Variants in REXO1 observed in about 807,000 individuals in gnomAD.
The protein encoded by REXO1 is RNA exonuclease 1 homolog.
Under a neutral mutation model 102.6 loss-of-function variants are expected in REXO1, and 42 were observed. The observed-to-expected ratio is 0.41, with a 90% CI of 0.32 to 0.53. The LOEUF (loss-of-function observed/expected upper bound fraction) is 0.53, where lower values mean the gene tolerates loss of function less well. Ranked by LOEUF, REXO1 falls within the 20% of genes least tolerant of loss-of-function variation. The probability of loss-of-function intolerance (pLI) is 0.27; values close to 1 mark genes in which losing one functional copy is unlikely to be tolerated. For missense variants in REXO1, 1,819 were observed against 1,732.5 expected (o/e 1.05, Z -0.89); for synonymous variants, 908 against 779.1 (o/e 1.17, Z -2.76).
intron 1 of REXO1, among the ~76,000 whole-genome samples, chr19:1,839,529 G>A (rs2011201166): frequency 6.6e-6 from 1 of 152,246 alleles, no homozygotes; most frequent in Non-Finnish European, 1.5e-5. Context: ...CACACACCAG[G>A]GTGACTGCAA....
rs1599139163 is a variant in REXO1 at position 1,825,717 on chromosome 19, C to G, written c.2016+122G>C. On this transcript the variant is annotated intron_variant, in intron 3 of 15. Coordinates refer to ENST00000170168, the MANE Select transcript of REXO1 (RefSeq NM_020695.4). ...TCTCGAACTCCTGGCCTCAGGTGAT[C>G]CACCCGCCTTGGCCTCCCAAAGTGC... 1.1e-5 allele frequency: 7 copies of G among 662,322 alleles called. No individual in the cohort carries two copies. In the South Asian group the frequency reaches 1.1e-4, roughly 10 times the overall value. 41.0% of individuals were successfully genotyped at this position (662,322 alleles called of 1,614,324 possible).
In REXO1 at chr19:1,827,572, C is replaced by A; in HGVS notation, c.1217G>T (p.Arg406Leu). The A allele has an allele frequency of 6.3e-7, 1 of 1,594,616 alleles. No individual in the cohort carries two copies. The highest frequency in any genetic ancestry group is 8.5e-7 in the Non-Finnish European group (1 of 1,176,468). The change falls in exon 2 of 16, where the codon CGG becomes CTG. Residue 406 changes from arginine to leucine, a missense_variant. Arg to Leu is a moderately radical substitution (Grantham distance 102). Coordinates refer to ENST00000170168, the MANE Select transcript of REXO1 (RefSeq NM_020695.4). ...GTCCGCACGGGGCTTCTCCACAGGC[C>A]GCCCTCGGCCCTTGTCCTTGGTCTT... Reference protein sequence around the residue: ...KDKTKDKGRGRPVEKPRADKK... With the variant: ...KDKTKDKGRGLPVEKPRADKK...
rs556193102 is a variant in REXO1 at position 1,819,286 on chromosome 19, C to T, written c.2651-155G>A. 2.4e-3 allele frequency among the ~76,000 whole-genome samples: 371 copies of T among 151,692 alleles called. 2 individuals are homozygous for T. The highest frequency in any genetic ancestry group is 7.3e-3 in the African/African-American group (304 of 41,426). On this transcript the variant is annotated intron_variant, in intron 7 of 15. Coordinates refer to ENST00000170168, the MANE Select transcript of REXO1 (RefSeq NM_020695.4). ...ACTGACCCCGGGTTCCAGCCTGACC[C>T]GAACAGGAGAGGCAGACATGCGGTG... is the stretch of plus-strand genomic sequence containing the variant.
Position 1,828,615 on chromosome 19 carries a change from G to A in REXO1, c.174C>T (p.Pro58=). 6.2e-7 allele frequency: 1 copy of A among 1,600,726 alleles called. No individual in the cohort carries two copies. The highest frequency in any genetic ancestry group is 8.5e-7 in the Non-Finnish European group (1 of 1,179,404). The change falls in exon 2 of 16, where the codon CCC becomes CCT. Residue 58 remains proline, a synonymous_variant. Transcript: ENST00000170168. ...APPAAGLGYD[P]YNPELPKPPA... Reference sequence around the variant, plus strand: ...GGGGCTTGGGCAGCTCAGGGTTGTAGGGGTCGTAACCCAGCCCTGAAGGGA... The same window carrying A: ...GGGGCTTGGGCAGCTCAGGGTTGTAAGGGTCGTAACCCAGCCCTGAAGGGA...
rs754370433 is a variant in REXO1, at chr19:1,819,036, G to A, written c.2746C>T (p.Arg916Trp). Residue 916 changes from arginine to tryptophan, a missense_variant, in exon 8 of 16, where the codon CGG becomes TGG. Physicochemically the swap from Arg to Trp is moderately radical, Grantham distance 101. Transcript: ENST00000170168. ...GCCTTACCTTTCAGGTCCTCCACCC[G>A]GGGGCTGCTTGGACGGCTGAGCGAG... ...SFSLSRPSSP[R>W]VEDLKGAALY... The A allele has an allele frequency of 1.3e-5, 21 of 1,598,786 alleles. No homozygotes were observed. Among genetic ancestry groups the A allele is most frequent in the Admixed American group, 1.0e-4 (6 of 58,148 alleles).
At position 1,827,709 on chromosome 19, in the gene REXO1, G is replaced by A. The variant is rs947984498; in HGVS notation, c.1080C>T (p.Ala360=). The A allele has an allele frequency of 1.3e-6, 2 of 1,571,246 alleles. No individual in the cohort carries two copies. The highest frequency in any genetic ancestry group is 1.7e-6 in the Non-Finnish European group (2 of 1,170,026). ...QPPPAKPASP[A]QVQSSQDGGC... is the part of the protein sequence containing the mutation. ...CCCCATCCTGTGAGGACTGGACCTG[G>A]GCTGGGGAGGCGGGCTTGGCTGGGG... is the stretch of plus-strand genomic sequence containing the variant. Residue 360 remains alanine, a synonymous_variant, in exon 2 of 16, where the codon GCC becomes GCT. Transcript: ENST00000170168.
Position 1,831,154 on chromosome 19 carries a change from GC to G in REXO1, c.158-2524del, listed in dbSNP as rs371501127. Among the ~76,000 whole-genome samples the G allele has an allele frequency of 1.7e-3, 256 of 152,302 alleles. 1 individual carries two copies. Among genetic ancestry groups the G allele is most frequent in the African/African-American group, 6.0e-3 (249 of 41,558 alleles). Reference sequence around the variant, plus strand: ...ATTTATGCTGCACCCAACACCAACTGCCCAAGAGGGACGTGAATGCTGACAC... The same window carrying G: ...ATTTATGCTGCACCCAACACCAACTGCCAAGAGGGACGTGAATGCTGACAC... On this transcript the variant is annotated intron_variant, in intron 1 of 15. Coordinates refer to ENST00000170168, the MANE Select transcript of REXO1 (RefSeq NM_020695.4).
rs780729923 is a variant in REXO1, at chr19:1,821,683, C to CT, written c.2231-2dup. Reference sequence around the variant, plus strand: ...AGGGTCCTCTTGGCACCTGTGGGGGCTGGCGGGGCACAGGGGGTGTGGGCA... The same window carrying CT: ...AGGGTCCTCTTGGCACCTGTGGGGGCTTGGCGGGGCACAGGGGGTGTGGGCA... On this transcript the variant is annotated splice_acceptor_variant, in intron 4 of 15. Coordinates refer to ENST00000170168, the MANE Select transcript of REXO1 (RefSeq NM_020695.4). LOFTEE classifies it high-confidence loss of function. The CT allele has an allele frequency of 3.1e-6, 5 of 1,609,722 alleles. No homozygotes were observed. The highest frequency in any genetic ancestry group is 4.2e-6 in the Non-Finnish European group (5 of 1,179,002).
At chr19:1,836,743 CAAAAAAA>C (rs1185957602) in intron 1 of REXO1, among the ~76,000 whole-genome samples, 6 of 64,586 alleles carry the variant, frequency 9.3e-5, no homozygotes, top group Non-Finnish European at 1.1e-4. Flanking sequence ...AAGACTGTCT[CAAAAAAA>C]AAAAAAAAAA....
chr19:1,816,014 G>C lies in REXO1; in HGVS notation c.*52C>G. On this transcript the variant is annotated 3_prime_UTR_variant, in exon 16 of 16. Coordinates refer to ENST00000170168, the MANE Select transcript of REXO1 (RefSeq NM_020695.4). The stretch of plus-strand genomic sequence containing the variant: ...ATTGCACTGTTTTGGAAGAGGCATG[G>C]GGCTAAGGACCAGCGGGACGGCAGG... 1 of 1,538,642 alleles carries C rather than the reference G, an allele frequency of 6.5e-7. No individual in the cohort carries two copies. The highest frequency in any genetic ancestry group is 8.7e-7 in the Non-Finnish European group (1 of 1,147,104).
At position 1,827,987 on chromosome 19, in the gene REXO1, A is replaced by G. The variant is rs2069790313; in HGVS notation, c.802T>C (p.Tyr268His). 6.2e-7 allele frequency: 1 copy of G among 1,613,318 alleles called. No individual in the cohort carries two copies. The highest frequency in any genetic ancestry group is 1.7e-5 in the Admixed American group (1 of 59,996). Residue 268 changes from tyrosine to histidine, a missense_variant, in exon 2 of 16, where the codon TAC becomes CAC. Transcript: ENST00000170168. ...CAGAGCTTCTTGGGAGCAGGTGTGT[A>G]GGGCTCACTGCCGCGGGAGCCCCGG... ...RPRGSRGSEP[Y>H]TPAPKKLCDP...
At chr19:1,840,016 G>A (rs1227555766) in intron 1 of REXO1, among the ~76,000 whole-genome samples, 1 of 152,198 alleles carries the variant, frequency 6.6e-6, no homozygotes, top group Non-Finnish European at 1.5e-5. Context: ...GAGGAGGAGG[G>A]AGGGGTCTCA....
chr19:1,823,761 C>T lies in REXO1; in HGVS notation c.2041G>A (p.Ala681Thr), dbSNP rs186176871. 2,360 of 1,254,982 alleles carry T rather than the reference C, an allele frequency of 1.9e-3. 33 individuals carry two copies. The African/African-American group carries it at 0.033, about 18-fold the overall frequency. 77.7% of individuals were successfully genotyped at this position (1,254,982 alleles called of 1,614,324 possible). ...GTCGGGGGCCGGGCCGGGGGCACCG[C>T]GGGACCCCTCCTCGGGGGCTCCACC... ...QEVEPPRRGP[A>T]VPPARPPTAQ... is the part of the protein sequence containing the mutation. Residue 681 changes from alanine to threonine, a missense_variant, in exon 4 of 16, where the codon GCG becomes ACG. Transcript: ENST00000170168.
At chr19:1,824,792 ATTT>A (rs2069659673) in intron 3 of REXO1, among the ~76,000 whole-genome samples, 2 of 68,224 alleles carry the variant, frequency 2.9e-5, no homozygotes, top group Admixed American at 3.3e-4. Context: ...CATTTTATGT[ATTT>A]ATCTTTTTGA....
At position 1,848,374 on chromosome 19, in the gene REXO1, GGGGCCCCGGCCCGGAGCCGCCC is replaced by G. The variant is rs2011659758; in HGVS notation, c.-38_-17del. On this transcript the variant is annotated 5_prime_UTR_variant, in exon 1 of 16. Transcript: ENST00000170168. ...AGCGTAGCATGGTCCGTCCCGCGGCGGGGCCCCGGCCCGGAGCCGCCCGGGCCCCAGGGCCCCCTCACTGGCG... is the reference window on the plus strand; with the variant it reads ...AGCGTAGCATGGTCCGTCCCGCGGCGGGGCCCCAGGGCCCCCTCACTGGCG... 2.5e-6 allele frequency: 3 copies of G among 1,206,030 alleles called. No individual in the cohort carries two copies. Among genetic ancestry groups the G allele is most frequent in the Non-Finnish European group, 3.1e-6 (3 of 965,468 alleles). The allele number at this position is 1,206,030 out of a possible 1,614,324, so 74.7% of individuals were successfully genotyped here. A position where few individuals can be genotyped will look rare whatever the true frequency, so the allele number is the denominator to read the frequency against.
intron 1 of REXO1, among the ~76,000 whole-genome samples, chr19:1,838,639 T>C (rs1054395508): frequency 3.6e-5 from 5 of 139,534 alleles, no homozygotes; most frequent in Non-Finnish European, 6.2e-5. Context: ...CTCTCCAGCC[T>C]GGGTGACAGG....
chr19:1,841,718 G>A (rs2011290873), intron 1 of REXO1, among the ~76,000 whole-genome samples: 1 of 151,692 alleles, frequency 6.6e-6, no homozygotes, highest in Non-Finnish European at 1.5e-5. Flanking sequence ...AGGGCTCTGG[G>A]GGGAGCGCTC....
Position 1,826,952 on chromosome 19 carries a change from T to C in REXO1, c.1837A>G (p.Met613Val), listed in dbSNP as rs773909707. Reference sequence around the variant, plus strand: ...TTGAAGATCCGCAGGCACTCCTCCATGGGGTCGGAGTCAAAGTCCACCTCC... The same window carrying C: ...TTGAAGATCCGCAGGCACTCCTCCACGGGGTCGGAGTCAAAGTCCACCTCC... ...EKEVDFDSDP[M>V]EECLRIFNES... Residue 613 changes from methionine to valine, a missense_variant, in exon 2 of 16, where the codon ATG becomes GTG. By Grantham distance (21) the Met-to-Val change is conservative. Coordinates refer to ENST00000170168, the MANE Select transcript of REXO1 (RefSeq NM_020695.4). This position sits in a 1 kb window ranked among gnomAD's most constrained non-coding sequence, Gnocchi z 4.3. The C allele has an allele frequency of 2.5e-6, 4 of 1,574,082 alleles. No individual in the cohort carries two copies. The South Asian group carries it at 4.6e-5, about 18-fold the overall frequency.
In REXO1 at chr19:1,827,945, A is replaced by G; in HGVS notation, c.844T>C (p.Cys282Arg). ...PKKLCDPFGS[C>R]DARFSDSEDE... is the part of the protein sequence containing the mutation. ...TCTGAGTCTGAGAACCTTGCATCGC[A>G]ACTGCCAAAGGGGTCACAGAGCTTC... The change falls in exon 2 of 16, where the codon TGC becomes CGC. Residue 282 changes from cysteine (C) to arginine (R), a missense_variant. Cys to Arg is a radical substitution (Grantham distance 180). Coordinates refer to ENST00000170168, the MANE Select transcript of REXO1 (RefSeq NM_020695.4). The G allele has an allele frequency of 6.2e-7, 1 of 1,613,710 alleles. No homozygotes were observed. The highest frequency in any genetic ancestry group is 8.5e-7 in the Non-Finnish European group (1 of 1,179,882).
Sources: allele counts gnomAD v4.1 joint callset (sites outside exome capture counted in the v4.1 genomes callset), GRCh38; gene constraint gnomAD v4.1.1; non-coding constraint Gnocchi (gnomAD v3.1); transcripts MANE v1.5; gene names NCBI Gene and HGNC (gene_info 2026-07-23, HGNC 2026-07-21).